The following MAST2 variants were observed in gnomAD, a reference collection of about 807,000 sequenced individuals.
MAST2 encodes the protein microtubule associated serine/threonine kinase 2.
Under a neutral mutation model 147.4 loss-of-function variants are expected in MAST2, and 70 were observed. That is an observed-to-expected ratio of 0.47 (90% CI 0.39 to 0.58). The LOEUF (loss-of-function observed/expected upper bound fraction) is 0.58. MAST2 is among the 20% of genes least tolerant of loss of function. The pLI, the probability that MAST2 is intolerant of heterozygous loss-of-function variation, is 0.00. For missense variants in MAST2, 2,080 were observed against 2,302.3 expected (o/e 0.90, Z 1.98); for synonymous variants, 869 against 896.8 (o/e 0.97, Z 0.55).
In MAST2 at chr1:46,034,872, ACTC is replaced by A. The variant is rs749032290; in HGVS notation, c.4204_4206del (p.Leu1402del). On this transcript the variant is annotated inframe_deletion, in exon 29 of 29. Coordinates refer to ENST00000361297, the MANE Select transcript of MAST2 (RefSeq NM_015112.3). ...GTGCGGAGCCACCCCGTTCACCACTACTCAAGAGGGTGCAGTCGGCTGAGAAAC... is the reference window on the plus strand; with the variant it reads ...GTGCGGAGCCACCCCGTTCACCACTAAAGAGGGTGCAGTCGGCTGAGAAAC... The A allele has an allele frequency of 1.2e-6, 2 of 1,613,978 alleles. No individual in the cohort carries two copies.
intron 10 of MAST2, among the ~76,000 whole-genome samples, chr1:46,013,310 C>G (rs1645791551): frequency 6.6e-6 from 1 of 152,112 alleles, no homozygotes; most frequent in Non-Finnish European, 1.5e-5. Flanking sequence ...AGCCTAAGAT[C>G]ATACATTTTC....
intron 1 of MAST2, among the ~76,000 whole-genome samples, chr1:45,813,184 T>C (rs950412123): frequency 6.6e-6 from 1 of 152,222 alleles, no homozygotes; most frequent in Non-Finnish European, 1.5e-5. Flanking sequence ...TAGGGAATAG[T>C]GACAAGAAAA....
intron 11 of MAST2, among the ~76,000 whole-genome samples, chr1:46,021,329 T>C (rs1646170935): frequency 6.6e-6 from 1 of 152,144 alleles, no homozygotes. Flanking sequence ...TGAATGCTGG[T>C]TTTCTGTTCC....
intron 3 of MAST2, among the ~76,000 whole-genome samples, chr1:45,841,374 G>C (rs1331438390): frequency 6.6e-6 from 1 of 151,790 alleles, no homozygotes; most frequent in Non-Finnish European, 1.5e-5. Flanking sequence ...ACTTCAAATA[G>C]TTATTAGTAG....
intron 5 of MAST2, among the ~76,000 whole-genome samples, chr1:45,988,549 G>C (rs1644737353): frequency 6.6e-6 from 1 of 152,164 alleles, no homozygotes; most frequent in South Asian, 2.1e-4. Context: ...CACCTGAAAA[G>C]AATGTATATT....
chr1:45,895,740 A>G (rs1047993528), intron 4 of MAST2, among the ~76,000 whole-genome samples: 14 of 152,246 alleles, frequency 9.2e-5, no homozygotes, highest in South Asian at 2.1e-4. Flanking sequence ...GAAAAACAGC[A>G]TATCATCAAA....
At chr1:45,856,843 G>A (rs972956169) in intron 3 of MAST2, among the ~76,000 whole-genome samples, 1 of 151,728 alleles carries the variant, frequency 6.6e-6, no homozygotes, top group African/African-American at 2.4e-5. Flanking sequence ...GTAGTGGGCT[G>A]GGCTGAGCTG....
intron 3 of MAST2, among the ~76,000 whole-genome samples, chr1:45,849,956 T>C (rs1046932753): frequency 2.6e-5 from 4 of 152,224 alleles, no homozygotes; most frequent in African/African-American, 9.6e-5. Context: ...TTTTCTTTTG[T>C]ATATTTACCC....
chr1:45,843,355 G>T (rs555527069), intron 3 of MAST2, among the ~76,000 whole-genome samples: 15 of 152,010 alleles, frequency 9.9e-5, no homozygotes, highest in Non-Finnish European at 1.8e-4. Flanking sequence ...CCAGCTCCAA[G>T]GTCATGATTT....
intron 1 of MAST2, among the ~76,000 whole-genome samples, chr1:45,823,337 CTTTTT>C (rs58220954): frequency 3.0e-5 from 4 of 133,758 alleles, no homozygotes; most frequent in African/African-American, 2.8e-5. Context: ...CAGTTATTCT[CTTTTT>C]TTTTTTTTTT....
chr1:45,982,013 A>C (rs1453805777), intron 5 of MAST2, among the ~76,000 whole-genome samples: 1 of 151,616 alleles, frequency 6.6e-6, no homozygotes, highest in Non-Finnish European at 1.5e-5. Flanking sequence ...CGCCCAGCTA[A>C]TTTTTTTGTA....
intron 3 of MAST2, among the ~76,000 whole-genome samples, chr1:45,859,282 T>C (rs1645900091): frequency 6.6e-6 from 1 of 152,178 alleles, no homozygotes; most frequent in Non-Finnish European, 1.5e-5. Context: ...GTATTTTTAA[T>C]AGAGATGTGG....
chr1:45,924,769 T>C (rs978274750), intron 4 of MAST2, among the ~76,000 whole-genome samples: 2 of 152,174 alleles, frequency 1.3e-5, no homozygotes, highest in African/African-American at 4.8e-5. Context: ...TAAGGTTAAA[T>C]GAAGTCTTTG....
At chr1:46,032,449 C>T (rs1480063046) in intron 25 of MAST2, 45 bp downstream of exon 25, 2 of 1,606,602 alleles carry the variant, frequency 1.2e-6, no homozygotes, top group Non-Finnish European at 1.7e-6. Flanking sequence ...CTTCATCATC[C>T]TTCCAGCTTC....
chr1:45,841,088 G>A (rs1230701361), intron 3 of MAST2, among the ~76,000 whole-genome samples: 1 of 151,920 alleles, frequency 6.6e-6, no homozygotes, highest in Admixed American at 6.6e-5. Context: ...CACCTTTCCC[G>A]GAAGCTGGGA....
rs1193752260 is a variant in MAST2, at chr1:46,034,247, C to T, written c.3849C>T (p.Thr1283=). ...PRSPTQGYRV[T]PDAVHSVGGN... The stretch of plus-strand genomic sequence containing the variant: ...CTCCCACTCAAGGCTACCGGGTGAC[C>T]CCCGATGCTGTGCATTCAGGTACGA... Residue 1283 remains threonine, a synonymous_variant, in exon 28 of 29, where the codon ACC becomes ACT. Coordinates refer to ENST00000361297, the MANE Select transcript of MAST2 (RefSeq NM_015112.3). 1.9e-6 allele frequency: 3 copies of T among 1,613,336 alleles called. No homozygotes were observed. The highest frequency in any genetic ancestry group is 4.5e-5 in the East Asian group (2 of 44,880).
chr1:45,836,351 C>T (rs943415525), intron 3 of MAST2, among the ~76,000 whole-genome samples: 14 of 152,194 alleles, frequency 9.2e-5, no homozygotes, highest in Admixed American at 3.3e-4. Flanking sequence ...TATTTTAGAA[C>T]TGTCTGTTGA....
At position 46,025,705 on chromosome 1, in the gene MAST2, T is replaced by C; in HGVS notation, c.1809T>C (p.Asn603=). The C allele has an allele frequency of 6.2e-7, 1 of 1,614,114 alleles. No homozygotes were observed. Among genetic ancestry groups the C allele is most frequent in the Non-Finnish European group, 8.5e-7 (1 of 1,180,022 alleles). Residue 603 remains asparagine (N), a synonymous_variant, in exon 16 of 29, where the codon AAT becomes AAC. Transcript: ENST00000361297. ...EGGDCATLLK[N]IGALPVDMVR... ...GAGACTGTGCCACTCTGCTGAAGAA[T>C]ATTGGGGCCCTGCCTGTGGACATGG... is the stretch of plus-strand genomic sequence containing the variant.
intron 1 of MAST2, among the ~76,000 whole-genome samples, chr1:45,820,881 CTCTT>C (rs1450421551): frequency 1.3e-4 from 9 of 70,904 alleles, no homozygotes; most frequent in Non-Finnish European, 2.1e-4. Context: ...ATTTCAATTT[CTCTT>C]TCTTTCTCTT....
Sources: allele counts gnomAD v4.1 joint callset (sites outside exome capture counted in the v4.1 genomes callset), GRCh38; gene constraint gnomAD v4.1.1; transcripts MANE v1.5; gene names NCBI Gene and HGNC (gene_info 2026-07-23, HGNC 2026-07-21).